RXRA: variants seen among roughly 807,000 people sequenced by gnomAD.
The protein encoded by RXRA is retinoid X receptor alpha, also known as retinoic acid receptor RXR-alpha.
A neutral mutation model predicts 44.5 loss-of-function variants in RXRA; 5 were observed. That is an observed-to-expected ratio of 0.11 (90% CI 0.06 to 0.24). RXRA has a LOEUF of 0.24. RXRA is among the 10% of genes least tolerant of loss of function. The pLI, the probability that RXRA is intolerant of heterozygous loss-of-function variation, is 1.00. For missense variants in RXRA, 412 were observed against 646.5 expected, an observed-to-expected ratio of 0.64 and a Z score of 3.93; for synonymous variants, 291 against 271.4, an observed-to-expected ratio of 1.07 and a Z score of -0.71.
At chr9:134,328,446 A>C (rs1193031376) in intron 1 of RXRA, among the ~76,000 whole-genome samples, 1 of 151,980 alleles carries the variant, frequency 6.6e-6, no homozygotes, top group Non-Finnish European at 1.5e-5. Context: ...CCACTGCCCC[A>C]GGGATCTCCC....
Position 134,330,473 on chromosome 9 carries a change from G to C in RXRA, c.28+3814G>C, listed in dbSNP as rs77249290. Among the ~76,000 whole-genome samples, 5 of 152,298 alleles carry C rather than the reference G, an allele frequency of 3.3e-5. No homozygotes were observed. The East Asian group carries it at 9.6e-4, about 29-fold the overall frequency. On this transcript the variant is annotated intron_variant, in intron 1 of 9. Transcript: ENST00000481739. ...TTTGGGGGTCACCTTCCAGACCTTTGTCCTGAGATTCTTAAGCTGATCAGT... is the reference window on the plus strand; with the variant it reads ...TTTGGGGGTCACCTTCCAGACCTTTCTCCTGAGATTCTTAAGCTGATCAGT...
At chr9:134,345,065 A>G (rs118011544) in intron 1 of RXRA, among the ~76,000 whole-genome samples, 2,188 of 152,216 alleles carry the variant, frequency 0.014, 18 homozygotes, top group Middle Eastern at 0.048. Context: ...TGCAGTGTGG[A>G]TGGGTGGCTT....
intron 4 of RXRA, among the ~76,000 whole-genome samples, chr9:134,411,455 C>T (rs1251075244): frequency 3.9e-5 from 6 of 152,190 alleles, no homozygotes; most frequent in African/African-American, 9.6e-5. Flanking sequence ...TGGTCTCACT[C>T]GCCCCATACC....
chr9:134,408,864 G>T, intron 3 of RXRA, 76 bp from the exon 4 acceptor site: 1 of 1,367,430 alleles, frequency 7.3e-7, no homozygotes, highest in South Asian at 1.6e-5. Flanking sequence ...AGCTGGTAGT[G>T]GCGGCGTTGG....
At chr9:134,357,610 G>A (rs1038681958) in intron 1 of RXRA, among the ~76,000 whole-genome samples, 2 of 152,012 alleles carry the variant, frequency 1.3e-5, no homozygotes, top group Admixed American at 6.6e-5. Flanking sequence ...TGGGTTCGAG[G>A]CCAAGGGTTC....
intron 6 of RXRA, chr9:134,422,177 C>G: frequency 7.7e-7 from 1 of 1,290,996 alleles, no homozygotes; most frequent in Non-Finnish European, 1.0e-6. Context: ...CTTCCCCCTC[C>G]TGGGACACAC....
At position 134,426,871 on chromosome 9, in the gene RXRA, G is replaced by C. The variant is rs1192069163; in HGVS notation, c.911-2237G>C. ...CCTGGGTCCCTGCCCTTGGCCACAG[G>C]AAGTCTGTCCACACTGGGCCTGGTG... On this transcript the variant is annotated intron_variant, in intron 6 of 9. Coordinates refer to ENST00000481739, the MANE Select transcript of RXRA (RefSeq NM_002957.6). The surrounding 1 kb of genome is among the most constrained non-coding windows in gnomAD (Gnocchi z 4.6). 1 of 985,272 alleles carries C rather than the reference G, an allele frequency of 1.0e-6. No homozygotes were observed. The highest frequency in any genetic ancestry group is 1.2e-6 in the Non-Finnish European group (1 of 829,922). 61.0% of individuals were successfully genotyped at this position (985,272 alleles called of 1,614,324 possible). A position where few individuals can be genotyped will look rare whatever the true frequency, so the allele number is the denominator to read the frequency against.
intron 1 of RXRA, among the ~76,000 whole-genome samples, chr9:134,332,614 G>T (rs1335818759): frequency 6.6e-6 from 1 of 152,102 alleles, no homozygotes; most frequent in Non-Finnish European, 1.5e-5. Context: ...GGGTTGCAGG[G>T]CTGGAACCAG....
intron 1 of RXRA, among the ~76,000 whole-genome samples, chr9:134,371,051 T>A (rs1242137317): frequency 6.6e-6 from 1 of 152,076 alleles, no homozygotes; most frequent in African/African-American, 2.4e-5. Flanking sequence ...TGGGGGGCCC[T>A]GGGCTGGCAG....
intron 6 of RXRA, chr9:134,424,915 A>G: frequency 2.0e-6 from 2 of 985,452 alleles, no homozygotes; most frequent in Non-Finnish European, 2.4e-6. Context: ...GGCAGGTGCC[A>G]GGGCCACTGA....
intron 1 of RXRA, among the ~76,000 whole-genome samples, chr9:134,328,908 T>G (rs1392769786): frequency 1.3e-5 from 2 of 151,768 alleles, no homozygotes; most frequent in African/African-American, 4.8e-5. Context: ...AGCCGCTCAG[T>G]GAGGGCAGGG....
intron 1 of RXRA, among the ~76,000 whole-genome samples, chr9:134,368,930 CGGGGGTT>C (rs1830451026): frequency 1.8e-5 from 1 of 56,026 alleles, no homozygotes; most frequent in Non-Finnish European, 3.2e-5. Flanking sequence ...TGTGTGAGTG[CGGGGGTT>C]ATGTATGTGT....
In RXRA at chr9:134,401,882, G is replaced by A. The variant is rs12380717; in HGVS notation, c.279G>A (p.Gln93=). ...PTLGFSTGSP[Q]LSSPMNPVSS... Reference sequence around the variant, plus strand: ...TGGGCTTCAGCACTGGCAGCCCCCAGGTGAGTGCGGGGCTGGGGCAAGGGG... The same window carrying A: ...TGGGCTTCAGCACTGGCAGCCCCCAAGTGAGTGCGGGGCTGGGGCAAGGGG... The change falls in exon 2 of 10, where the codon CAG becomes CAA. Residue 93 remains glutamine, a splice_region_variant and synonymous_variant. Coordinates refer to ENST00000481739, the MANE Select transcript of RXRA (RefSeq NM_002957.6). 1 of 1,606,338 alleles carries A rather than the reference G, an allele frequency of 6.2e-7. No individual in the cohort carries two copies. The highest frequency in any genetic ancestry group is 1.1e-5 in the South Asian group (1 of 90,598).
intron 6 of RXRA, chr9:134,423,040 C>A (rs1269940270): frequency 1.0e-6 from 1 of 985,384 alleles, no homozygotes; most frequent in Non-Finnish European, 1.2e-6. Context: ...GCTGGGAGCT[C>A]AGCTTTGGGG....
chr9:134,349,768 C>T lies in RXRA; in HGVS notation c.28+23109C>T, dbSNP rs1410618506. On this transcript the variant is annotated intron_variant, in intron 1 of 9. Coordinates refer to ENST00000481739, the MANE Select transcript of RXRA (RefSeq NM_002957.6). This position sits in a 1 kb window ranked among gnomAD's most constrained non-coding sequence, Gnocchi z 4.3. ...ATTCCCCAGGGCTGGGCCAGCCTGG[C>T]GGTGTCCACCCAGGAAGGCTGCTTG... is the stretch of plus-strand genomic sequence containing the variant. Among the ~76,000 whole-genome samples the T allele has an allele frequency of 3.4e-5, 4 of 117,038 alleles. No homozygotes were observed. Among genetic ancestry groups the T allele is most frequent in the African/African-American group, 6.6e-5 (2 of 30,500 alleles). The allele number at this position is 117,038 out of a possible 152,430, so 76.8% of individuals were successfully genotyped here. A position where few individuals can be genotyped will look rare whatever the true frequency, so the allele number is the denominator to read the frequency against.
At position 134,436,769 on chromosome 9, in the gene RXRA, G is replaced by A. The variant is rs912990987; in HGVS notation, c.*155G>A. On this transcript the variant is annotated 3_prime_UTR_variant, in exon 10 of 10. Transcript: ENST00000481739. ...CACTGCTCTGCCTAAGAGATGTGTT[G>A]TCACCCTCCTTATTTCTGTTACTAC... 2 of 776,738 alleles carry A rather than the reference G, an allele frequency of 2.6e-6. No homozygotes were observed. Among genetic ancestry groups the A allele is most frequent in the African/African-American group, 3.5e-5 (2 of 57,156 alleles). The allele number at this position is 776,738 out of a possible 1,614,324, so 48.1% of individuals were successfully genotyped here.
chr9:134,435,811 C>G (rs1273423891), intron 9 of RXRA, among the ~76,000 whole-genome samples: 1 of 152,164 alleles, frequency 6.6e-6, no homozygotes, highest in Non-Finnish European at 1.5e-5. Flanking sequence ...GCTGTGATGG[C>G]TGCTGCAGCC....
At chr9:134,390,429 G>C (rs1830782915) in intron 1 of RXRA, among the ~76,000 whole-genome samples, 1 of 152,204 alleles carries the variant, frequency 6.6e-6, no homozygotes, top group African/African-American at 2.4e-5. Flanking sequence ...GACAGTGGGT[G>C]GGGGGCCAGG....
chr9:134,422,786 G>C, intron 6 of RXRA: 1 of 985,470 alleles, frequency 1.0e-6, no homozygotes, highest in Middle Eastern at 5.2e-4. Context: ...ACCATGCGGG[G>C]TCTCTCAGTG....
Sources: gnomAD v4.1 joint callset for allele counts (sites outside exome capture counted in the v4.1 genomes callset) on GRCh38, gnomAD v4.1.1 for gene constraint, Gnocchi (gnomAD v3.1) non-coding constraint, MANE v1.5 for transcripts, NCBI Gene and HGNC (gene_info 2026-07-23, HGNC 2026-07-21) for gene names.